The following CHRM2 variants were observed in gnomAD, a reference collection of about 807,000 sequenced individuals.
CHRM2 encodes the protein cholinergic receptor muscarinic 2.
Under a neutral mutation model 25.0 loss-of-function variants are expected in CHRM2, and 8 were observed. That is an observed-to-expected ratio of 0.32 (90% CI 0.19 to 0.58). CHRM2 has a LOEUF of 0.58. Among genes scored for constraint, CHRM2 ranks in the 20% least tolerant of loss-of-function variants. CHRM2 has a pLI of 0.88. For synonymous variants in CHRM2, 202 were observed against 205.7 expected (o/e 0.98, Z 0.15); for missense variants, 440 against 567.1 (o/e 0.78, Z 2.28).
intron 3 of CHRM2, among the ~76,000 whole-genome samples, chr7:136,997,153 A>G (rs1803658632): frequency 6.6e-6 from 1 of 152,170 alleles, no homozygotes; most frequent in Admixed American, 6.6e-5. Flanking sequence ...GAAATAATGC[A>G]TTGATATATA....
intron 2 of CHRM2, among the ~76,000 whole-genome samples, chr7:136,978,693 A>C (rs1453366448): frequency 3.3e-5 from 5 of 152,178 alleles, no homozygotes; most frequent in Admixed American, 3.3e-4. Flanking sequence ...GAGTGAGAAC[A>C]TGCAGTGTTT....
intron 2 of CHRM2, among the ~76,000 whole-genome samples, chr7:136,927,884 A>C (rs1798838140): frequency 6.6e-6 from 1 of 152,204 alleles, no homozygotes. Flanking sequence ...CCTAGGAAGC[A>C]GACTCATGAT....
At chr7:136,978,111 G>T (rs1014776654) in intron 2 of CHRM2, among the ~76,000 whole-genome samples, 3 of 152,092 alleles carry the variant, frequency 2.0e-5, no homozygotes, top group Non-Finnish European at 2.9e-5. Flanking sequence ...TACCCATTGG[G>T]TACTATAGGG....
intron 2 of CHRM2, among the ~76,000 whole-genome samples, chr7:136,935,723 T>C (rs1224490882): frequency 1.3e-5 from 2 of 152,316 alleles, no homozygotes; most frequent in South Asian, 2.1e-4. Context: ...AAAGGATCAT[T>C]ACTCCATTAG....
At chr7:136,972,550 T>C (rs928858338) in intron 2 of CHRM2, among the ~76,000 whole-genome samples, 2 of 151,836 alleles carry the variant, frequency 1.3e-5, no homozygotes, top group African/African-American at 4.8e-5. Context: ...TAATTTCTTA[T>C]GAAAGAAAAA....
intron 2 of CHRM2, among the ~76,000 whole-genome samples, chr7:136,928,100 G>A (rs1383941035): frequency 1.3e-5 from 2 of 152,150 alleles, no homozygotes; most frequent in African/African-American, 2.4e-5. Flanking sequence ...GACATTAAAT[G>A]TATAAGAACA....
intron 2 of CHRM2, among the ~76,000 whole-genome samples, chr7:136,880,860 A>G (rs568380212): frequency 6.6e-6 from 1 of 151,896 alleles, no homozygotes; most frequent in South Asian, 2.1e-4. Flanking sequence ...CTGATGTCCT[A>G]AGGGATATCC....
intron 2 of CHRM2, among the ~76,000 whole-genome samples, chr7:136,946,098 A>C (rs892689698): frequency 2.0e-5 from 3 of 152,216 alleles, no homozygotes; most frequent in Admixed American, 1.3e-4. Flanking sequence ...CTTAGATTCA[A>C]TTGCTGCAGC....
chr7:136,997,961 A>T lies in CHRM2; in HGVS notation c.-47+5697A>T, dbSNP rs146209704. Among the ~76,000 whole-genome samples the T allele has an allele frequency of 1.1e-4, 17 of 152,338 alleles. No individual in the cohort carries two copies. In the East Asian group the frequency reaches 2.9e-3, roughly 26 times the overall value. ...AGGTGTCAGTTAATTGAGGAATCAG[A>T]CAGCTGGAGAGACAGACTGGGTGAG... On this transcript the variant is annotated intron_variant, in intron 3 of 3. Coordinates refer to ENST00000680005, the MANE Select transcript of CHRM2 (RefSeq NM_001006630.2).
chr7:136,947,152 G>A (rs1055077388), intron 2 of CHRM2, among the ~76,000 whole-genome samples: 2 of 152,164 alleles, frequency 1.3e-5, no homozygotes, highest in Admixed American at 6.5e-5. Flanking sequence ...AAGGTCCTAT[G>A]TCCAAGGCCA....
chr7:136,922,705 T>C (rs925148809), intron 2 of CHRM2, among the ~76,000 whole-genome samples: 3 of 152,174 alleles, frequency 2.0e-5, no homozygotes, highest in Admixed American at 2.0e-4. Flanking sequence ...TGGAGGTTAT[T>C]ATTCTGGGAA....
At chr7:136,933,245 A>T (rs1799217034) in intron 2 of CHRM2, among the ~76,000 whole-genome samples, 1 of 152,208 alleles carries the variant, frequency 6.6e-6, no homozygotes, top group Non-Finnish European at 1.5e-5. Context: ...ATCCAATTAA[A>T]AGATGGGCAA....
intron 2 of CHRM2, among the ~76,000 whole-genome samples, chr7:136,979,263 G>C (rs1156651235): frequency 6.6e-6 from 1 of 152,178 alleles, no homozygotes; most frequent in Non-Finnish European, 1.5e-5. Flanking sequence ...AAAAGTGTCT[G>C]TTGATATCCT....
intron 3 of CHRM2, among the ~76,000 whole-genome samples, chr7:136,992,933 GC>G: frequency 6.6e-6 from 1 of 152,198 alleles, no homozygotes; most frequent in Non-Finnish European, 1.5e-5. Context: ...GATGGATGAG[GC>G]CCTGCATTAT....
chr7:136,956,611 T>C (rs1210485133), intron 2 of CHRM2, among the ~76,000 whole-genome samples: 1 of 152,220 alleles, frequency 6.6e-6, no homozygotes, highest in East Asian at 1.9e-4. Flanking sequence ...ACCCAGAGGA[T>C]TTGAAAATTA....
intron 2 of CHRM2, among the ~76,000 whole-genome samples, chr7:136,906,336 G>GTA (rs894719063): frequency 6.7e-6 from 1 of 150,348 alleles, no homozygotes; most frequent in African/African-American, 2.4e-5. Context: ...TACATGGTTT[G>GTA]TATATATATG....
intron 2 of CHRM2, among the ~76,000 whole-genome samples, chr7:136,911,140 G>T (rs566867616): frequency 6.6e-6 from 1 of 151,892 alleles, no homozygotes; most frequent in Non-Finnish European, 1.5e-5. Context: ...AGCAAACTAA[G>T]AGTTGGGTTT....
In CHRM2 at chr7:137,015,122, T is replaced by C. The variant is rs764299494; in HGVS notation, c.257T>C (p.Ile86Thr). ...SMNLYTLYTV[I>T]GYWPLGPVVC... Reference sequence around the variant, plus strand: ...AACTTGTACACCCTCTACACTGTGATTGGTTACTGGCCTTTGGGACCTGTG... The same window carrying C: ...AACTTGTACACCCTCTACACTGTGACTGGTTACTGGCCTTTGGGACCTGTG... Residue 86 changes from isoleucine (I) to threonine (T), a missense_variant, in exon 4 of 4, where the codon ATT (isoleucine) becomes ACT (threonine). Transcript: ENST00000680005. The surrounding 1 kb of genome is among the most constrained non-coding windows in gnomAD (Gnocchi z 5.1). 3.1e-6 allele frequency: 5 copies of C among 1,613,430 alleles called. No homozygotes were observed. Among genetic ancestry groups the C allele is most frequent in the Admixed American group, 3.3e-5 (2 of 59,934 alleles).
rs1260507221 is a variant in CHRM2, at chr7:137,018,492, G to C, written c.*2226G>C. On this transcript the variant is annotated 3_prime_UTR_variant, in exon 4 of 4. Transcript: ENST00000680005. ...AAGCCAGTGGGCTCCTCGAGTTTCT[G>C]AAAACCAGAGAATTGACTAGCCAAG... The C allele has an allele frequency of 2.0e-5, 3 of 151,908 alleles. No individual in the cohort carries two copies. Among genetic ancestry groups the C allele is most frequent in the Non-Finnish European group, 1.5e-5 (1 of 67,904 alleles). The allele number at this position is 151,908 out of a possible 1,614,324, so 9.4% of individuals were successfully genotyped here. A position where few individuals can be genotyped will look rare whatever the true frequency, so the allele number is the denominator to read the frequency against.
Sources: gnomAD v4.1 joint callset for allele counts (sites outside exome capture counted in the v4.1 genomes callset) on GRCh38, gnomAD v4.1.1 for gene constraint, Gnocchi (gnomAD v3.1) non-coding constraint, MANE v1.5 for transcripts, NCBI Gene and HGNC (gene_info 2026-07-23, HGNC 2026-07-21) for gene names.